The following CLOCK variants were observed in gnomAD, a reference collection of about 807,000 sequenced individuals.
The protein encoded by CLOCK is clock circadian regulator, also known as circadian locomoter output cycles protein kaput.
CLOCK carries 43 observed loss-of-function variants against 118.4 expected under a neutral mutation model. That is an observed-to-expected ratio of 0.36 (90% CI 0.28 to 0.47). The LOEUF is 0.47. CLOCK is among the 20% of genes least tolerant of loss of function. The probability of loss-of-function intolerance (pLI) is 1.00; values close to 1 mark genes in which losing one functional copy is unlikely to be tolerated. For synonymous variants in CLOCK, 326 were observed against 339.2 expected (o/e 0.96, Z 0.43); for missense variants, 846 against 999.9 (o/e 0.85, Z 2.08).
chr4:55,448,832 G>C lies in CLOCK; in HGVS notation c.1486C>G (p.Gln496Glu), dbSNP rs373151905. The change falls in exon 18 of 23, where the codon CAG (glutamine) becomes GAG (glutamate). Residue 496 changes from glutamine (Q) to glutamate (E), a missense_variant. By Grantham distance (29) the Gln-to-Glu change is conservative. Transcript: ENST00000513440. The stretch of plus-strand genomic sequence containing the variant: ...TTTGTAGCTTGAGACATCACTGGCT[G>C]TGTTAATGATGAACCAACAGACTGG... ...NSQSVGSSLT[Q>E]PVMSQATNLP... is the part of the protein sequence containing the mutation. 2 of 1,613,824 alleles carry C rather than the reference G, an allele frequency of 1.2e-6. No homozygotes were observed. The highest frequency in any genetic ancestry group is 2.7e-5 in the African/African-American group (2 of 74,918).
At chr4:55,482,174 G>A (rs1560448314) in intron 4 of CLOCK, among the ~76,000 whole-genome samples, 2 of 151,996 alleles carry the variant, frequency 1.3e-5, no homozygotes, top group African/African-American at 2.4e-5. Flanking sequence ...GCTGAGGTTT[G>A]GTGTACCAAT....
At chr4:55,447,514 G>C (rs1194119617) in intron 18 of CLOCK, among the ~76,000 whole-genome samples, 3 of 152,102 alleles carry the variant, frequency 2.0e-5, no homozygotes, top group East Asian at 3.9e-4. Flanking sequence ...AACAAACACA[G>C]AAGGTAGGAT....
Position 55,435,452 on chromosome 4 carries a change from T to G in CLOCK, c.2504A>C (p.Asp835Ala). The stretch of plus-strand genomic sequence containing the variant: ...AACCTTGGAAGGGTCGGGCAAGCTG[T>G]CAGTCCTGTGCCGGCTGAGTTGCTG... The part of the protein sequence containing the change: ...QQQQLSRHRT[D>A]SLPDPSKVQP... Residue 835 changes from aspartate to alanine, a missense_variant, in exon 23 of 23, where the codon GAC becomes GCC. This residue lies in a region of CLOCK where 520 missense variants were observed against 558.0 expected (regional missense o/e 0.93). Transcript: ENST00000513440. 6.2e-7 allele frequency: 1 copy of G among 1,614,036 alleles called. No individual in the cohort carries two copies. The highest frequency in any genetic ancestry group is 8.5e-7 in the Non-Finnish European group (1 of 1,179,918).
At chr4:55,456,922 T>C (rs929099845) in intron 11 of CLOCK, among the ~76,000 whole-genome samples, 1 of 152,166 alleles carries the variant, frequency 6.6e-6, no homozygotes, top group Non-Finnish European at 1.5e-5. Flanking sequence ...TCAAGCAACC[T>C]GCCCACCACA....
chr4:55,459,302 T>C lies in CLOCK; in HGVS notation c.560-41A>G, dbSNP rs202235129. ...TTTTAAAAATCACATATTTCTGATATAAAACAATGATTGATATACCACATA... is the reference window on the plus strand; with the variant it reads ...TTTTAAAAATCACATATTTCTGATACAAAACAATGATTGATATACCACATA... On this transcript the variant is annotated intron_variant, in intron 9 of 22. Transcript: ENST00000513440. 5.4e-5 allele frequency: 64 copies of C among 1,192,484 alleles called. No homozygotes were observed. In the East Asian group the frequency reaches 1.3e-3, roughly 25 times the overall value. The allele number at this position is 1,192,484 out of a possible 1,614,324, so 73.9% of individuals were successfully genotyped here.
At chr4:55,522,207 A>T (rs1349770110) in intron 1 of CLOCK, among the ~76,000 whole-genome samples, 2 of 152,204 alleles carry the variant, frequency 1.3e-5, no homozygotes, top group African/African-American at 4.8e-5. Flanking sequence ...TCTATAGAGG[A>T]GAAAATAACT....
rs879389475 is a variant in CLOCK at position 55,447,036 on chromosome 4, GT to G, written c.1539+1742del. 8.8e-4 allele frequency among the ~76,000 whole-genome samples: 128 copies of G among 145,838 alleles called. 3 individuals are homozygous for G. In the Middle Eastern group the frequency reaches 0.014, roughly 16 times the overall value. ...AAATTTAGTACCTCAACTCCCTCAA[GT>G]TTTTTTTTTTGTTTTTTTTTAAATA... On this transcript the variant is annotated intron_variant, in intron 18 of 22. Coordinates refer to ENST00000513440, the MANE Select transcript of CLOCK (RefSeq NM_004898.4).
intron 1 of CLOCK, among the ~76,000 whole-genome samples, chr4:55,534,870 C>T (rs1029048018): frequency 6.6e-6 from 1 of 151,832 alleles, no homozygotes; most frequent in Non-Finnish European, 1.5e-5. Flanking sequence ...TTAAATTAAT[C>T]TATAGAGTAA....
intron 1 of CLOCK, among the ~76,000 whole-genome samples, chr4:55,531,501 T>C (rs1730540440): frequency 6.6e-6 from 1 of 151,486 alleles, no homozygotes; most frequent in African/African-American, 2.4e-5. Context: ...GGTCAAGAGA[T>C]CGAGACCATC....
chr4:55,490,938 T>C (rs1050597119), intron 2 of CLOCK, among the ~76,000 whole-genome samples: 1 of 152,056 alleles, frequency 6.6e-6, no homozygotes, highest in Admixed American at 6.6e-5. Context: ...GATCACCTAA[T>C]AGGGCACAGA....
intron 8 of CLOCK, 126 bp from the exon 9 acceptor site, chr4:55,463,931 A>C: frequency 1.6e-5 from 15 of 941,072 alleles, no homozygotes; most frequent in South Asian, 3.4e-5. Flanking sequence ...AACAAATGTC[A>C]AGTTATAGAC....
chr4:55,491,150 G>T (rs6825774), intron 2 of CLOCK, among the ~76,000 whole-genome samples: 45,514 of 148,784 alleles, frequency 0.31, 7,492 homozygotes, highest in East Asian at 0.58. Context: ...AAAATGTATG[G>T]GATGCAGCAA....
rs1366313904 is a variant in CLOCK at position 55,433,140 on chromosome 4, G to C, written c.*2275C>G. 1 of 152,606 alleles carries C rather than the reference G, an allele frequency of 6.6e-6. No individual in the cohort carries two copies. Among genetic ancestry groups the C allele is most frequent in the Non-Finnish European group, 1.5e-5 (1 of 68,044 alleles). 9.5% of individuals were successfully genotyped at this position (152,606 alleles called of 1,614,324 possible). A position where few individuals can be genotyped will look rare whatever the true frequency, so the allele number is the denominator to read the frequency against. On this transcript the variant is annotated 3_prime_UTR_variant, in exon 23 of 23. Transcript: ENST00000513440. The stretch of plus-strand genomic sequence containing the variant: ...AGGTCAAGAAAGGCAATTTGAAAGG[G>C]GAGAAGAACAATGCTATTGCCATAT...
chr4:55,468,336 C>T (rs1725878119), intron 8 of CLOCK, among the ~76,000 whole-genome samples: 1 of 152,048 alleles, frequency 6.6e-6, no homozygotes, highest in Non-Finnish European at 1.5e-5. Flanking sequence ...AACATCATTA[C>T]ATATTAAAAA....
chr4:55,536,384 T>G (rs557558793), intron 1 of CLOCK, among the ~76,000 whole-genome samples: 5 of 152,288 alleles, frequency 3.3e-5, no homozygotes, highest in African/African-American at 1.2e-4. Flanking sequence ...ATTCCCAATG[T>G]TGGAAGTTGG....
chr4:55,442,377 T>C (rs1234978494), intron 21 of CLOCK, 55 bp downstream of exon 21: 2 of 1,464,028 alleles, frequency 1.4e-6, no homozygotes, highest in Admixed American at 3.4e-5. Flanking sequence ...AAATTATTGT[T>C]TTCTAATCAA....
At chr4:55,516,901 ATCTAAG>A (rs1324674328) in intron 1 of CLOCK, among the ~76,000 whole-genome samples, 1 of 152,158 alleles carries the variant, frequency 6.6e-6, no homozygotes, top group Non-Finnish European at 1.5e-5. Context: ...TTTACAACTA[ATCTAAG>A]TCTACTTTCA....
intron 14 of CLOCK, 70 bp downstream of exon 14, chr4:55,453,607 T>C: frequency 7.2e-7 from 1 of 1,397,182 alleles, no homozygotes; most frequent in Non-Finnish European, 1.0e-6. Context: ...AACTTACGCA[T>C]AAAAGTTACA....
At chr4:55,494,920 T>A (rs1727956556) in intron 2 of CLOCK, among the ~76,000 whole-genome samples, 1 of 152,184 alleles carries the variant, frequency 6.6e-6, no homozygotes, top group African/African-American at 2.4e-5. Context: ...GCTGCAGAAC[T>A]GTAAAACAAT....
Sources: allele counts gnomAD v4.1 joint callset (sites outside exome capture counted in the v4.1 genomes callset), GRCh38; gene constraint gnomAD v4.1.1; regional missense constraint gnomAD v4.1.1; transcripts MANE v1.5; gene names NCBI Gene and HGNC (gene_info 2026-07-23, HGNC 2026-07-21).